The following PSMD5 variants were observed in gnomAD, a reference collection of about 807,000 sequenced individuals.
PSMD5 encodes the protein proteasome 26S subunit, non-ATPase 5.
Under a neutral mutation model 52.1 loss-of-function variants are expected in PSMD5, and 40 were observed. The observed-to-expected ratio is 0.77, with a 90% CI of 0.60 to 1.00. PSMD5 has a LOEUF of 1.00. Among genes scored for constraint, PSMD5 ranks in the 50% least tolerant of loss-of-function variants. PSMD5 has a pLI of 0.00. For synonymous variants in PSMD5, 211 were observed against 226.6 expected, an observed-to-expected ratio of 0.93 and a Z score of 0.62; for missense variants, 575 against 605.2, an observed-to-expected ratio of 0.95 and a Z score of 0.52.
chr9:120,817,923 C>T lies in PSMD5; in HGVS notation c.1498G>A (p.Val500Ile). The change falls in exon 10 of 10, where the codon GTA becomes ATA. Residue 500 changes from valine to isoleucine, a missense_variant. Physicochemically the swap from Val to Ile is conservative, Grantham distance 29 (BLOSUM62 3). Transcript: ENST00000210313. ...YYVKPVSTTAVEGAE is the reference protein window; with the variant it reads ...YYVKPVSTTAIEGAE ...AGAAGAAATCATTCGGCTCCTTCTA[C>T]TGCTGTCGTGGAAACAGGTTTCACA... 1 of 1,612,894 alleles carries T rather than the reference C, an allele frequency of 6.2e-7. No homozygotes were observed.
chr9:120,820,454 G>A (rs188181117), intron 9 of PSMD5, among the ~76,000 whole-genome samples: 21 of 152,256 alleles, frequency 1.4e-4, no homozygotes, highest in Admixed American at 9.8e-4. Context: ...TGTTAGATAC[G>A]GAGACCCCAG....
At position 120,830,359 on chromosome 9, in the gene PSMD5, G is replaced by C. The variant is rs117458389; in HGVS notation, c.561+972C>G. 7.7e-3 allele frequency among the ~76,000 whole-genome samples: 1,170 copies of C among 152,240 alleles called. 8 individuals are homozygous for C. The highest frequency in any genetic ancestry group is 0.013 in the Non-Finnish European group (914 of 68,014). ...AGTAAGCAGTTGAGCATGAAGGTTC[G>C]AGCTCAGAAGAAAGGTCTCAGTTGG... is the stretch of plus-strand genomic sequence containing the variant. On this transcript the variant is annotated intron_variant, in intron 4 of 9. Transcript: ENST00000210313.
intron 7 of PSMD5, among the ~76,000 whole-genome samples, chr9:120,822,819 G>A (rs1012156283): frequency 9.9e-5 from 15 of 151,472 alleles, no homozygotes; most frequent in African/African-American, 1.7e-4. Context: ...GAGCCACCTC[G>A]CCTGGCCTCT....
At position 120,826,762 on chromosome 9, in the gene PSMD5, T is replaced by C; in HGVS notation, c.814+3A>G. The C allele has an allele frequency of 1.9e-6, 3 of 1,613,482 alleles. No homozygotes were observed. The highest frequency in any genetic ancestry group is 4.5e-5 in the East Asian group (2 of 44,864). ...CATTTCCATAGGCATCAGTGTTCCT[T>C]ACCTGGCAGATAGAAGCTAGAGAAA... On this transcript the variant is annotated splice_donor_region_variant and intron_variant, in intron 6 of 9. Transcript: ENST00000210313.
In PSMD5 at chr9:120,831,342, T is replaced by C. The variant is rs754150066; in HGVS notation, c.550A>G (p.Arg184Gly). The change falls in exon 4 of 10, where the codon AGG becomes GGG. Residue 184 changes from arginine to glycine, a missense_variant. Transcript: ENST00000210313. ...GCTTTTTATCTTACCTCATACACCC[T>C]GTATCGAACAATGTCATTTGTTTTC... ...VMKTNDIVRY[R>G]VYELIIEISS... The C allele has an allele frequency of 2.5e-6, 4 of 1,606,946 alleles. No homozygotes were observed. The African/African-American group carries it at 4.0e-5, about 16-fold the overall frequency.
chr9:120,822,118 T>G (rs898904255), intron 7 of PSMD5, among the ~76,000 whole-genome samples: 1 of 152,040 alleles, frequency 6.6e-6, no homozygotes, highest in African/African-American at 2.4e-5. Flanking sequence ...TTTTATGGGT[T>G]TTTTTTTAAA....
chr9:120,821,566 A>T, intron 7 of PSMD5, 102 bp from the exon 8 acceptor site: 1 of 723,888 alleles, frequency 1.4e-6, no homozygotes, highest in Non-Finnish European at 2.1e-6. Flanking sequence ...AGTGCTATTA[A>T]GTACATTCAC....
At chr9:120,827,889 G>A (rs2131426556) in intron 5 of PSMD5, among the ~76,000 whole-genome samples, 1 of 152,362 alleles carries the variant, frequency 6.6e-6, no homozygotes, top group East Asian at 1.9e-4. Flanking sequence ...AGATATTAAA[G>A]GGGATTTAGG....
At chr9:120,821,850 C>A (rs2045087383) in intron 7 of PSMD5, among the ~76,000 whole-genome samples, 1 of 152,194 alleles carries the variant, frequency 6.6e-6, no homozygotes, top group Non-Finnish European at 1.5e-5. Context: ...GAATCTCATT[C>A]TTTTTAAAGG....
intron 1 of PSMD5, among the ~76,000 whole-genome samples, chr9:120,838,397 T>C (rs974479169): frequency 2.0e-5 from 3 of 152,214 alleles, no homozygotes; most frequent in Admixed American, 6.5e-5. Flanking sequence ...ATTAGTCTTG[T>C]TTGATTTTCA....
At chr9:120,829,264 TGATA>T in intron 4 of PSMD5, 56 bp from the exon 5 acceptor site, 2 of 1,442,824 alleles carry the variant, frequency 1.4e-6, no homozygotes, top group Non-Finnish European at 1.8e-6. Context: ...GCCCTACGCC[TGATA>T]GATCTCATTT....
chr9:120,826,846 C>G lies in PSMD5; in HGVS notation c.733G>C (p.Ala245Pro). ...AYTHHGRQYL[A>P]QEGVIDQISN... The stretch of plus-strand genomic sequence containing the variant: ...ATTTGGTCAATTACTCCTTCTTGAG[C>G]AAGATATTGTCGCCCATGATGAGTA... Residue 245 changes from alanine to proline, a missense_variant, in exon 6 of 10, where the codon GCT becomes CCT. Coordinates refer to ENST00000210313, the MANE Select transcript of PSMD5 (RefSeq NM_005047.4). The G allele has an allele frequency of 3.1e-6, 5 of 1,613,454 alleles. No homozygotes were observed. Among genetic ancestry groups the G allele is most frequent in the Non-Finnish European group, 4.2e-6 (5 of 1,179,360 alleles).
At chr9:120,824,922 C>T (rs2131424012) in intron 6 of PSMD5, 1 of 358,438 alleles carries the variant, frequency 2.8e-6, no homozygotes, top group East Asian at 4.3e-5. Flanking sequence ...CTGGCATATG[C>T]AAGAGGGAGA....
At chr9:120,832,001 A>T in intron 2 of PSMD5, 56 bp from the exon 3 acceptor site, 1 of 1,573,818 alleles carries the variant, frequency 6.4e-7, no homozygotes. Flanking sequence ...TACGGTAAAC[A>T]CACGATGGTC....
chr9:120,821,927 G>T (rs2045087911), intron 7 of PSMD5, among the ~76,000 whole-genome samples: 1 of 152,108 alleles, frequency 6.6e-6, no homozygotes, highest in East Asian at 1.9e-4. Context: ...AATGAACATT[G>T]GGTTGCTTGC....
chr9:120,835,921 T>A (rs2045195226), intron 1 of PSMD5, among the ~76,000 whole-genome samples: 1 of 152,114 alleles, frequency 6.6e-6, no homozygotes, highest in African/African-American at 2.4e-5. Context: ...GTACATTCAC[T>A]TTGTTGTCCA....
In PSMD5 at chr9:120,833,450, C is replaced by A; in HGVS notation, c.180G>T (p.Lys60Asn). 1 of 1,613,002 alleles carries A rather than the reference C, an allele frequency of 6.2e-7. No homozygotes were observed. Among genetic ancestry groups the A allele is most frequent in the Non-Finnish European group, 8.5e-7 (1 of 1,179,328 alleles). The change falls in exon 2 of 10, where the codon AAG (lysine) becomes AAT (asparagine). Residue 60 changes from lysine (K) to asparagine (N), a missense_variant. By Grantham distance (94) the Lys-to-Asn change is moderately conservative (BLOSUM62 0). Transcript: ENST00000210313. ...CCAGAATGGATACACACAAAGTAGT[C>A]TTTTCCCTGAAGGAGACATCATAAA... ...FSLLNENHRE[K>N]TTLCVSILER...
chr9:120,840,619 C>CTTTTTT (rs35843505), intron 1 of PSMD5, among the ~76,000 whole-genome samples: 1 of 116,178 alleles, frequency 8.6e-6, no homozygotes, highest in Non-Finnish European at 1.8e-5. Context: ...CTAATTTTTG[C>CTTTTTT]TTTTTTTTTT....
chr9:120,842,630 C>T (rs969839722), intron 1 of PSMD5, 107 bp downstream of exon 1: 8 of 1,396,270 alleles, frequency 5.7e-6, no homozygotes, highest in African/African-American at 1.4e-5. Flanking sequence ...CGGCTACTTT[C>T]CACCTCCCCT....
Sources: allele counts gnomAD v4.1 joint callset (sites outside exome capture counted in the v4.1 genomes callset), GRCh38; gene constraint gnomAD v4.1.1; transcripts MANE v1.5; gene names NCBI Gene and HGNC (gene_info 2026-07-23, HGNC 2026-07-21).